Variants in ZNF30 observed in about 807,000 individuals in gnomAD.
ZNF30 encodes zinc finger protein 30.
In ZNF30, 15 loss-of-function variants were observed where a neutral mutation model predicts 13.2. The observed-to-expected ratio is 1.13, with a 90% CI of 0.76 to 1.75. The LOEUF (loss-of-function observed/expected upper bound fraction) is 1.75. Among genes scored for constraint, ZNF30 ranks in the 40% most tolerant of loss-of-function variants. The pLI, the probability that ZNF30 is intolerant of heterozygous loss-of-function variation, is 0.00. For synonymous variants in ZNF30, 223 were observed against 256.6 expected, an observed-to-expected ratio of 0.87 and a Z score of 1.25; for missense variants, 726 against 757.0, an observed-to-expected ratio of 0.96 and a Z score of 0.48.
intron 1 of ZNF30, among the ~76,000 whole-genome samples, chr19:34,927,752 G>GCT (rs372909737): frequency 2.6e-5 from 4 of 152,220 alleles, no homozygotes; most frequent in East Asian, 1.9e-4. Context: ...CACAGCAGTA[G>GCT]CTCTCTCTCT....
At chr19:34,931,385 T>A (rs976504851) in intron 2 of ZNF30, among the ~76,000 whole-genome samples, 1 of 152,246 alleles carries the variant, frequency 6.6e-6, no homozygotes, top group Admixed American at 6.5e-5. Context: ...AAAACACTTA[T>A]GATCTGACAT....
chr19:34,935,104 G>A (rs1033498361), intron 4 of ZNF30, among the ~76,000 whole-genome samples: 10 of 151,862 alleles, frequency 6.6e-5, no homozygotes, highest in African/African-American at 9.7e-5. Flanking sequence ...GGTGGCGGGC[G>A]CCTGTGGTCC....
intron 4 of ZNF30, among the ~76,000 whole-genome samples, chr19:34,934,787 G>A (rs767423517): frequency 2.0e-5 from 3 of 152,092 alleles, no homozygotes; most frequent in Non-Finnish European, 2.9e-5. Flanking sequence ...ACAAGAGGGC[G>A]AGCATTAGGA....
chr19:34,932,025 C>A lies in ZNF30; in HGVS notation c.160+32C>A, dbSNP rs369512840. 53 of 1,542,124 alleles carry A rather than the reference C, an allele frequency of 3.4e-5. 1 individual carries two copies. Among genetic ancestry groups the A allele is most frequent in the Admixed American group, 4.4e-5 (2 of 45,328 alleles). On this transcript the variant is annotated intron_variant, in intron 3 of 4. Transcript: ENST00000601142. The stretch of plus-strand genomic sequence containing the variant: ...GTACTTCTCTCAAATAATTGAGAAT[C>A]TGCTCCCTGTTATACTTTCTCCTTT...
Position 34,944,657 on chromosome 19 carries a change from G to A in ZNF30, c.1691G>A (p.Gly564Asp). Residue 564 changes from glycine (G) to aspartate (D), a missense_variant, in exon 5 of 5, where the codon GGT becomes GAT. Transcript: ENST00000601142. ...ATTGGACATCAGAGTGTTCACACTG[G>A]TGAGAAACCTTTTGAATGTAAGGAA... Reference protein sequence around the residue: ...QLIGHQSVHTGEKPFECKECG... With the variant: ...QLIGHQSVHTDEKPFECKECG... 1.2e-6 allele frequency: 2 copies of A among 1,612,540 alleles called. No homozygotes were observed. Among genetic ancestry groups the A allele is most frequent in the Non-Finnish European group, 1.7e-6 (2 of 1,178,776 alleles).
intron 4 of ZNF30, among the ~76,000 whole-genome samples, chr19:34,939,640 C>G (rs60033148): frequency 0.017 from 2,540 of 152,234 alleles, 76 homozygotes; most frequent in African/African-American, 0.058. Flanking sequence ...TAAAAAAAGA[C>G]ATGCAGGTGA....
chr19:34,942,658 C>G (rs1313878947), intron 4 of ZNF30: 1 of 1,288,388 alleles, frequency 7.8e-7, no homozygotes, highest in Non-Finnish European at 1.0e-6. Context: ...ATGCCACCTG[C>G]ACATGGAACC....
At position 34,943,352 on chromosome 19, in the gene ZNF30, T is replaced by C; in HGVS notation, c.386T>C (p.Leu129Pro). Residue 129 changes from leucine (L) to proline (P), a missense_variant, in exon 5 of 5, where the codon CTT (leucine) becomes CCT (proline). Transcript: ENST00000601142. Reference protein sequence around the residue: ...PRECQEYGKTLCQDSKPVQHE... With the variant: ...PRECQEYGKTPCQDSKPVQHE... ...GAATGTCAGGAATATGGAAAGACCC[T>C]TTGTCAAGACTCAAAGCCTGTTCAA... 1 of 1,613,994 alleles carries C rather than the reference T, an allele frequency of 6.2e-7. No individual in the cohort carries two copies. Among genetic ancestry groups the C allele is most frequent in the Non-Finnish European group, 8.5e-7 (1 of 1,179,894 alleles).
rs1224916221 is a variant in ZNF30, at chr19:34,943,684, G to A, written c.718G>A (p.Ala240Thr). 1 of 1,613,376 alleles carries A rather than the reference G, an allele frequency of 6.2e-7. No individual in the cohort carries two copies. The highest frequency in any genetic ancestry group is 1.3e-5 in the African/African-American group (1 of 75,032). The change falls in exon 5 of 5, where the codon GCT becomes ACT. Residue 240 changes from alanine to threonine, a missense_variant. Coordinates refer to ENST00000601142, the MANE Select transcript of ZNF30 (RefSeq NM_194325.3). The part of the protein sequence containing the change: ...KPYECGECGK[A>T]FLVYGKLTRH... The stretch of plus-strand genomic sequence containing the variant: ...ATATGAGTGCGGGGAATGTGGGAAA[G>A]CTTTTCTAGTATATGGAAAGCTTAC...
intron 4 of ZNF30, among the ~76,000 whole-genome samples, chr19:34,939,695 G>A (rs745735482): frequency 2.0e-5 from 3 of 152,138 alleles, no homozygotes; most frequent in Non-Finnish European, 4.4e-5. Flanking sequence ...GCAGGTTTTC[G>A]AGCAACACAG....
At chr19:34,931,667 G>C (rs73036321) in intron 2 of ZNF30, among the ~76,000 whole-genome samples, 176 bp from the exon 3 acceptor site, 10,664 of 152,136 alleles carry the variant, frequency 0.07, 442 homozygotes, top group Middle Eastern at 0.095. Flanking sequence ...ACAATATATA[G>C]GACATTTTGT....
intron 4 of ZNF30, among the ~76,000 whole-genome samples, chr19:34,936,884 A>G (rs2012770317): frequency 6.6e-6 from 1 of 151,882 alleles, no homozygotes; most frequent in Non-Finnish European, 1.5e-5. Context: ...CAACAGAGAA[A>G]ACCCCTGTCT....
chr19:34,936,605 T>C (rs1460632679), intron 4 of ZNF30, among the ~76,000 whole-genome samples: 2 of 152,120 alleles, frequency 1.3e-5, no homozygotes, highest in Admixed American at 1.3e-4. Flanking sequence ...ACATGAGAAC[T>C]TGGGATGCAG....
chr19:34,926,870 G>T (rs1010091715), upstream of ZNF30: 7 of 397,690 alleles, frequency 1.8e-5, no homozygotes, highest in Non-Finnish European at 3.1e-5. Context: ...CCGGACGGGA[G>T]CGCCCAGAAG....
intron 1 of ZNF30, among the ~76,000 whole-genome samples, chr19:34,928,987 G>A (rs2651124): frequency 0.42 from 64,498 of 151,760 alleles, 15,154 homozygotes; most frequent in African/African-American, 0.64. Flanking sequence ...AGCTACCATA[G>A]TAAGAGCTAA....
At chr19:34,925,951 C>G (rs1331923465), upstream of ZNF30, among the ~76,000 whole-genome samples, 1 of 152,104 alleles carries the variant, frequency 6.6e-6, no homozygotes, top group Non-Finnish European at 1.5e-5. Context: ...GCGGGTGGAT[C>G]GCTTGAGCCC....
intron 4 of ZNF30, among the ~76,000 whole-genome samples, chr19:34,935,248 T>A (rs1019200549): frequency 1.3e-5 from 2 of 150,318 alleles, no homozygotes; most frequent in East Asian, 1.9e-4. Context: ...AAAAAATTTT[T>A]AAAAACAATT....
intron 2 of ZNF30, among the ~76,000 whole-genome samples, chr19:34,930,683 C>A (rs1246318427): frequency 6.6e-6 from 1 of 151,962 alleles, no homozygotes; most frequent in South Asian, 2.1e-4. Flanking sequence ...CATGGCAAGA[C>A]CCTGTCTCTA....
chr19:34,927,185 T>C lies in ZNF30; in HGVS notation c.-96T>C, dbSNP rs1465033439. On this transcript the variant is annotated 5_prime_UTR_variant, in exon 1 of 5. Transcript: ENST00000601142. ...CACAGCACCGGGAGCTCTGCAGACC[T>C]GTGTCGGCGCGGAACCCGGACTGAG... 5.2e-6 allele frequency: 2 copies of C among 386,466 alleles called. No individual in the cohort carries two copies. The highest frequency in any genetic ancestry group is 4.5e-5 in the Admixed American group (1 of 22,346). The allele number at this position is 386,466 out of a possible 1,614,324, so 23.9% of individuals were successfully genotyped here.
Sources: gnomAD v4.1 joint callset for allele counts (sites outside exome capture counted in the v4.1 genomes callset) on GRCh38, gnomAD v4.1.1 for gene constraint, MANE v1.5 for transcripts, NCBI Gene and HGNC (gene_info 2026-07-23, HGNC 2026-07-21) for gene names.